Variants in MYO1B observed in about 807,000 individuals in gnomAD.
MYO1B encodes the protein unconventional myosin-Ib.
MYO1B carries 72 observed loss-of-function variants against 159.7 expected under a neutral mutation model. The observed-to-expected ratio is 0.45, with a 90% CI of 0.37 to 0.55. The LOEUF (loss-of-function observed/expected upper bound fraction) is 0.55, where lower values mean the gene tolerates loss of function less well. Ranked by LOEUF, MYO1B falls within the 20% of genes least tolerant of loss-of-function variation. The probability of loss-of-function intolerance (pLI) is 0.00; values close to 1 mark genes in which losing one functional copy is unlikely to be tolerated. For missense variants in MYO1B, 1,062 were observed against 1,364.8 expected (o/e 0.78, Z 3.50); for synonymous variants, 468 against 473.8 (o/e 0.99, Z 0.16).
rs143587354 is a variant in MYO1B, at chr2:191,417,836, G to A, written c.3287+1594G>A. The stretch of plus-strand genomic sequence containing the variant: ...GAGCTTTGCGGGGATAGCGTGTGGC[G>A]TGAATCCTAAACATAGTCAACCACA... On this transcript the variant is annotated intron_variant, in intron 30 of 30. Transcript: ENST00000392318. 2.3e-3 allele frequency among the ~76,000 whole-genome samples: 354 copies of A among 152,272 alleles called. 1 individual carries two copies. The highest frequency in any genetic ancestry group is 7.9e-3 in the African/African-American group (328 of 41,556).
At chr2:191,275,219 G>A (rs1028933311) in intron 1 of MYO1B, among the ~76,000 whole-genome samples, 11 of 152,186 alleles carry the variant, frequency 7.2e-5, no homozygotes, top group African/African-American at 1.9e-4. Flanking sequence ...GGGACTTTTT[G>A]TTCCAGGTGT....
intron 1 of MYO1B, among the ~76,000 whole-genome samples, chr2:191,266,991 T>C (rs1475935198): frequency 6.6e-6 from 1 of 152,160 alleles, no homozygotes; most frequent in Non-Finnish European, 1.5e-5. Context: ...TTGAGGGTGG[T>C]TGATTAAGGG....
At chr2:191,401,881 T>G (rs1696637534) in intron 23 of MYO1B, 1 of 152,240 alleles carries the variant, frequency 6.6e-6, no homozygotes, top group Admixed American at 6.5e-5. Context: ...TTTCCCAGTC[T>G]CAGTACTATA....
Position 191,387,346 on chromosome 2 carries a change from C to T in MYO1B, c.1677C>T (p.Pro559=), listed in dbSNP as rs759695341. Residue 559 remains proline (P), a synonymous_variant, in exon 17 of 31, where the codon CCC becomes CCT. Transcript: ENST00000392318. ...LIKSLFPEGN[P]AKINLKRPPT... is the part of the protein sequence containing the mutation. ...AGTCTTTGTTCCCCGAAGGGAATCCCGCCAAGATCAACCTGAAAAGGCCTC... is the reference window on the plus strand; with the variant it reads ...AGTCTTTGTTCCCCGAAGGGAATCCTGCCAAGATCAACCTGAAAAGGCCTC... 5.0e-6 allele frequency: 8 copies of T among 1,613,992 alleles called. No homozygotes were observed. Among genetic ancestry groups the T allele is most frequent in the Non-Finnish European group, 6.8e-6 (8 of 1,180,032 alleles).
chr2:191,399,876 A>C lies in MYO1B; in HGVS notation c.2296-506A>C, dbSNP rs1490325577. ...AGGACCCAAAGTCCACCTTGAAACCAGGTGTCCTCCTGGCCCCCATAAAAT... is the reference window on the plus strand; with the variant it reads ...AGGACCCAAAGTCCACCTTGAAACCCGGTGTCCTCCTGGCCCCCATAAAAT... On this transcript the variant is annotated intron_variant, in intron 21 of 30. Transcript: ENST00000392318. Among the ~76,000 whole-genome samples the C allele has an allele frequency of 5.9e-5, 9 of 152,338 alleles. No homozygotes were observed. The South Asian group carries it at 1.7e-3, about 28-fold the overall frequency.
chr2:191,255,087 CCA>C (rs35932681), intron 1 of MYO1B, among the ~76,000 whole-genome samples: 40,980 of 151,686 alleles, frequency 0.27, 6,114 homozygotes, highest in Middle Eastern at 0.45. Flanking sequence ...TCTCCACACC[CCA>C]CTCATTTTTT....
chr2:191,378,001 GT>G (rs905339397), intron 13 of MYO1B: 9 of 150,944 alleles, frequency 6.0e-5, no homozygotes, highest in Admixed American at 2.0e-4. Flanking sequence ...TTTTGTTTTG[GT>G]TTTTTTTTGG....
At chr2:191,391,943 G>C (rs963133673) in intron 18 of MYO1B, among the ~76,000 whole-genome samples, 165 bp from the exon 19 acceptor site, 8 of 152,180 alleles carry the variant, frequency 5.3e-5, no homozygotes, top group Non-Finnish European at 1.0e-4. Context: ...ACTGGATTAA[G>C]TTTAATTTGT....
intron 7 of MYO1B, among the ~76,000 whole-genome samples, chr2:191,354,621 C>T (rs537991454): frequency 6.6e-6 from 1 of 152,054 alleles, no homozygotes; most frequent in Admixed American, 6.6e-5. Context: ...TGACAACCCC[C>T]CGCCCCCTAC....
At chr2:191,387,706 G>T in intron 17 of MYO1B, 11 of 492,238 alleles carry the variant, frequency 2.2e-5, no homozygotes, top group South Asian at 1.2e-4. Context: ...GAGACCTAGG[G>T]GTTTTCAACT....
chr2:191,253,883 T>TA (rs1686276626), intron 1 of MYO1B, among the ~76,000 whole-genome samples: 1 of 152,228 alleles, frequency 6.6e-6, no homozygotes, highest in African/African-American at 2.4e-5. Context: ...ACAAACCTCA[T>TA]AAGCTTCTTT....
At chr2:191,348,534 C>A (rs1032428612) in intron 6 of MYO1B, among the ~76,000 whole-genome samples, 2 of 152,190 alleles carry the variant, frequency 1.3e-5, no homozygotes, top group African/African-American at 4.8e-5. Flanking sequence ...CTTGGTCCCC[C>A]ACCTTCTTGG....
At chr2:191,364,843 G>T (rs755366940) in intron 11 of MYO1B, among the ~76,000 whole-genome samples, 1 of 150,348 alleles carries the variant, frequency 6.7e-6, no homozygotes, top group Non-Finnish European at 1.5e-5. Context: ...TACAGGACTT[G>T]CTGGTGCTAG....
intron 21 of MYO1B, among the ~76,000 whole-genome samples, chr2:191,397,836 A>ACCT (rs1379518571): frequency 1.4e-5 from 2 of 142,764 alleles, no homozygotes; most frequent in African/African-American, 5.3e-5. Context: ...CCACCCCACC[A>ACCT]CCCTCCCAGA....
chr2:191,268,971 C>G (rs1388929552), intron 1 of MYO1B, among the ~76,000 whole-genome samples: 1 of 152,150 alleles, frequency 6.6e-6, no homozygotes, highest in East Asian at 1.9e-4. Context: ...ATCATGTGTT[C>G]TCTGCTAAGG....
chr2:191,319,789 C>G (rs865906466), intron 3 of MYO1B, among the ~76,000 whole-genome samples: 4 of 152,064 alleles, frequency 2.6e-5, no homozygotes, highest in South Asian at 2.1e-4. Context: ...AGAACTGATA[C>G]AATTTTGCTT....
intron 7 of MYO1B, among the ~76,000 whole-genome samples, chr2:191,351,730 A>G (rs1428770596): frequency 6.6e-6 from 1 of 152,182 alleles, no homozygotes; most frequent in African/African-American, 2.4e-5. Context: ...TCTACCAAAA[A>G]TACAAAAGTT....
intron 3 of MYO1B, among the ~76,000 whole-genome samples, chr2:191,307,850 A>G (rs543480308): frequency 6.6e-6 from 1 of 152,280 alleles, no homozygotes; most frequent in East Asian, 1.9e-4. Context: ...ACAACACAGG[A>G]ACAGTCCAGT....
At chr2:191,304,940 A>T (rs116707149) in intron 3 of MYO1B, among the ~76,000 whole-genome samples, 3,041 of 152,258 alleles carry the variant, frequency 0.02, 93 homozygotes, top group African/African-American at 0.07. Context: ...CAGTGATACA[A>T]TCTTAAAGGG....
Sources: gnomAD v4.1 joint callset for allele counts (sites outside exome capture counted in the v4.1 genomes callset) on GRCh38, gnomAD v4.1.1 for gene constraint, MANE v1.5 for transcripts, NCBI Gene and HGNC (gene_info 2026-07-23, HGNC 2026-07-21) for gene names.